The following CERS6 variants were observed in gnomAD, a reference collection of about 807,000 sequenced individuals.
The protein encoded by CERS6 is LAG1 homolog, ceramide synthase 6.
In CERS6, 26 loss-of-function variants were observed where a neutral mutation model predicts 56.8. The observed-to-expected ratio is 0.46, with a 90% CI of 0.34 to 0.63. CERS6 has a LOEUF of 0.63. CERS6 is among the 30% of genes least tolerant of loss of function. CERS6 has a pLI of 0.01. For synonymous variants in CERS6, 164 were observed against 173.3 expected (o/e 0.95, Z 0.42); for missense variants, 415 against 467.5 (o/e 0.89, Z 1.04).
intron 4 of CERS6, among the ~76,000 whole-genome samples, chr2:168,674,124 A>G (rs1051337781): frequency 5.9e-5 from 9 of 152,204 alleles, no homozygotes; most frequent in Non-Finnish European, 1.2e-4. Flanking sequence ...GTCAAATTTC[A>G]TGTGCAAGAA....
Position 168,630,918 on chromosome 2 carries a change from A to G in CERS6, c.408-67A>G. The stretch of plus-strand genomic sequence containing the variant: ...TTTAATGAACTCTTTTCCCTCCCTT[A>G]CATATTTCAGTATATGCTGTGAATA... On this transcript the variant is annotated intron_variant, in intron 3 of 9. Transcript: ENST00000305747. 2 of 699,984 alleles carry G rather than the reference A, an allele frequency of 2.9e-6. 1 individual carries two copies. The allele number at this position is 699,984 out of a possible 1,614,324, so 43.4% of individuals were successfully genotyped here.
intron 3 of CERS6, among the ~76,000 whole-genome samples, chr2:168,575,697 T>A (rs1267581052): frequency 6.6e-6 from 1 of 151,988 alleles, no homozygotes; most frequent in Non-Finnish European, 1.5e-5. Context: ...CTGTGTGGAC[T>A]CCCTTCTTGA....
At chr2:168,518,455 A>T (rs1043746173) in intron 1 of CERS6, among the ~76,000 whole-genome samples, 1 of 152,236 alleles carries the variant, frequency 6.6e-6, no homozygotes, top group Non-Finnish European at 1.5e-5. Flanking sequence ...TGAATATTTC[A>T]TAGCTAATGC....
chr2:168,614,707 C>A (rs775596209), intron 3 of CERS6, among the ~76,000 whole-genome samples: 2 of 152,150 alleles, frequency 1.3e-5, no homozygotes, highest in Non-Finnish European at 2.9e-5. Flanking sequence ...CCCATAGCAG[C>A]TGCAGCAACT....
chr2:168,471,698 C>A (rs561364869), intron 1 of CERS6, among the ~76,000 whole-genome samples: 1 of 152,268 alleles, frequency 6.6e-6, no homozygotes, highest in East Asian at 1.9e-4. Flanking sequence ...ATAACTAATT[C>A]TTTATTCAGG....
At chr2:168,535,741 C>T (rs2105365345) in intron 1 of CERS6, among the ~76,000 whole-genome samples, 1 of 110,414 alleles carries the variant, frequency 9.1e-6, no homozygotes, top group South Asian at 3.7e-4. Context: ...TTACTTATTT[C>T]TGTATACTAC....
Position 168,662,624 on chromosome 2 carries a change from C to A in CERS6, c.466-28410C>A, listed in dbSNP as rs12053367. 0.015 allele frequency among the ~76,000 whole-genome samples: 2,347 copies of A among 152,180 alleles called. 110 individuals carry two copies. In the East Asian group the frequency reaches 0.16, roughly 11 times the overall value. ...CGGGCGGCTGTAATCCCAGCTACTTCGGGAGGCTGAGGCAGGAGAATCGCT... is the reference window on the plus strand; with the variant it reads ...CGGGCGGCTGTAATCCCAGCTACTTAGGGAGGCTGAGGCAGGAGAATCGCT... On this transcript the variant is annotated intron_variant, in intron 4 of 9. Transcript: ENST00000305747.
intron 6 of CERS6, among the ~76,000 whole-genome samples, chr2:168,707,092 G>C (rs905751386): frequency 6.6e-6 from 1 of 152,226 alleles, no homozygotes; most frequent in Non-Finnish European, 1.5e-5. Context: ...TGTCAGATTT[G>C]AGAATGGCTA....
intron 1 of CERS6, among the ~76,000 whole-genome samples, chr2:168,507,182 C>T (rs1364458577): frequency 1.3e-5 from 2 of 152,100 alleles, no homozygotes; most frequent in Non-Finnish European, 2.9e-5. Flanking sequence ...TCTATATAAC[C>T]AGTATATACA....
chr2:168,575,863 C>T (rs573094909), intron 3 of CERS6, among the ~76,000 whole-genome samples: 1 of 152,280 alleles, frequency 6.6e-6, no homozygotes, highest in Admixed American at 6.5e-5. Context: ...TGCCCTTCCC[C>T]TACTGTGACA....
intron 1 of CERS6, among the ~76,000 whole-genome samples, chr2:168,546,092 G>T (rs1385501359): frequency 6.6e-6 from 1 of 152,158 alleles, no homozygotes; most frequent in Non-Finnish European, 1.5e-5. Flanking sequence ...CCTTGTCAAG[G>T]AAACAAGTTC....
At chr2:168,529,485 G>T (rs537178624) in intron 1 of CERS6, among the ~76,000 whole-genome samples, 4 of 152,262 alleles carry the variant, frequency 2.6e-5, no homozygotes, top group African/African-American at 9.6e-5. Flanking sequence ...AGTAAAACCA[G>T]GTACCGATCA....
intron 1 of CERS6, among the ~76,000 whole-genome samples, chr2:168,505,296 T>A (rs1694655603): frequency 1.4e-5 from 2 of 144,152 alleles, no homozygotes; most frequent in African/African-American, 5.2e-5. Context: ...GTGGGAGGAT[T>A]GATTGAGCCT....
intron 9 of CERS6, chr2:168,766,263 G>A: frequency 6.5e-7 from 1 of 1,548,928 alleles, no homozygotes; most frequent in Non-Finnish European, 8.8e-7. Context: ...GACTTTTCCA[G>A]ATCATTCTCT....
intron 8 of CERS6, among the ~76,000 whole-genome samples, chr2:168,728,879 G>A (rs948994192): frequency 5.3e-4 from 81 of 151,520 alleles, no homozygotes; most frequent in African/African-American, 1.9e-3. Context: ...GGTGGCACAC[G>A]CCTCTGTAAT....
At position 168,503,061 on chromosome 2, in the gene CERS6, T is replaced by C. The variant is rs192994561; in HGVS notation, c.171-44535T>C. ...GGAGGGGATTGGATCATGGGGGTGG[T>C]TTCCCCCATGCTTTTCTCATAGTAG... On this transcript the variant is annotated intron_variant, in intron 1 of 9. Coordinates refer to ENST00000305747, the MANE Select transcript of CERS6 (RefSeq NM_203463.3). 5.0e-3 allele frequency among the ~76,000 whole-genome samples: 762 copies of C among 152,176 alleles called. 4 individuals carry two copies. The highest frequency in any genetic ancestry group is 0.018 in the African/African-American group (733 of 41,540).
chr2:168,465,147 G>A (rs1386347340), intron 1 of CERS6, among the ~76,000 whole-genome samples: 1 of 152,204 alleles, frequency 6.6e-6, no homozygotes, highest in Admixed American at 6.5e-5. Flanking sequence ...TATGTGAACA[G>A]CTAAACAAAA....
chr2:168,570,710 C>T (rs1695970086), intron 3 of CERS6, among the ~76,000 whole-genome samples: 1 of 151,736 alleles, frequency 6.6e-6, no homozygotes, highest in South Asian at 2.1e-4. Context: ...GGAATCGAAT[C>T]TACCTGGTTC....
intron 4 of CERS6, among the ~76,000 whole-genome samples, chr2:168,678,765 G>A (rs1434106236): frequency 6.6e-6 from 1 of 152,054 alleles, no homozygotes; most frequent in East Asian, 1.9e-4. Flanking sequence ...TCAACTCCTT[G>A]GAATAATTGA....
Sources: allele counts gnomAD v4.1 joint callset (sites outside exome capture counted in the v4.1 genomes callset), GRCh38; gene constraint gnomAD v4.1.1; transcripts MANE v1.5; gene names NCBI Gene and HGNC (gene_info 2026-07-23, HGNC 2026-07-21).